HDAC5: variants seen among roughly 807,000 people sequenced by gnomAD.
HDAC5 encodes antigen NY-CO-9.
HDAC5 carries 25 observed loss-of-function variants against 133.3 expected under a neutral mutation model. The observed-to-expected ratio is 0.19, with a 90% CI of 0.14 to 0.26. The LOEUF (loss-of-function observed/expected upper bound fraction) is 0.26. HDAC5 is among the 10% of genes least tolerant of loss of function. The probability of loss-of-function intolerance (pLI) is 1.00; values close to 1 mark genes in which losing one functional copy is unlikely to be tolerated. For missense variants in HDAC5, 1,041 were observed against 1,460.5 expected, an observed-to-expected ratio of 0.71 and a Z score of 4.68; for synonymous variants, 589 against 610.8, an observed-to-expected ratio of 0.96 and a Z score of 0.53.
chr17:44,108,025 T>C (rs1244330659), intron 3 of HDAC5, among the ~76,000 whole-genome samples: 1 of 152,148 alleles, frequency 6.6e-6, no homozygotes, highest in Non-Finnish European at 1.5e-5. Flanking sequence ...GAGAATCCCA[T>C]ACTAGAGTTC....
At chr17:44,084,714 C>G (rs750749739) in intron 15 of HDAC5, 39 bp from the exon 16 acceptor site, 1 of 1,608,710 alleles carries the variant, frequency 6.2e-7, no homozygotes, top group Non-Finnish European at 8.5e-7. Context: ...CACAAAGGCA[C>G]AGCTCTCTCA....
At chr17:44,121,816 G>C (rs868688645) in intron 1 of HDAC5, among the ~76,000 whole-genome samples, 1 of 152,096 alleles carries the variant, frequency 6.6e-6, no homozygotes, top group East Asian at 1.9e-4. Context: ...GAAAAGAAGG[G>C]GAGGCTGGCA....
chr17:44,103,715 T>C (rs1318356396), intron 3 of HDAC5, among the ~76,000 whole-genome samples: 2 of 151,784 alleles, frequency 1.3e-5, no homozygotes, highest in African/African-American at 4.8e-5. Context: ...TTTTTTCTTT[T>C]TTTTTTTTTT....
At chr17:44,119,164 G>A (rs1023339014) in intron 1 of HDAC5, among the ~76,000 whole-genome samples, 6 of 152,344 alleles carry the variant, frequency 3.9e-5, no homozygotes, top group Admixed American at 2.6e-4. Flanking sequence ...GCGCAGGCAG[G>A]GCTGAGGCCA....
At chr17:44,116,793 GCCTAGAGT>G (rs1007914199) in intron 2 of HDAC5, among the ~76,000 whole-genome samples, 1 of 152,124 alleles carries the variant, frequency 6.6e-6, no homozygotes, top group African/African-American at 2.4e-5. Context: ...ACATCAAGCT[GCCTAGAGT>G]CCCCCAAATA....
intron 2 of HDAC5, among the ~76,000 whole-genome samples, chr17:44,114,377 G>A (rs1285330786): frequency 6.6e-6 from 1 of 152,216 alleles, no homozygotes; most frequent in East Asian, 1.9e-4. Context: ...AGGACACCGA[G>A]GTTCCTGGCT....
chr17:44,099,690 G>A (rs983048769), intron 3 of HDAC5, among the ~76,000 whole-genome samples: 4 of 152,108 alleles, frequency 2.6e-5, no homozygotes, highest in Non-Finnish European at 4.4e-5. Context: ...TAGCCAGGGT[G>A]GTCTCGATCT....
chr17:44,092,311 G>A (rs771058442), intron 8 of HDAC5, 27 bp from the exon 9 acceptor site: 2 of 1,613,352 alleles, frequency 1.2e-6, no homozygotes, highest in Non-Finnish European at 1.7e-6. Flanking sequence ...TGTCACCTGG[G>A]CCTGCTGTGA....
intron 2 of HDAC5, among the ~76,000 whole-genome samples, chr17:44,113,782 T>C (rs2052480410): frequency 6.6e-6 from 1 of 152,214 alleles, no homozygotes. Context: ...TTCCATTTCC[T>C]GAGCCCAAAG....
intron 3 of HDAC5, among the ~76,000 whole-genome samples, chr17:44,102,177 G>A (rs1367713652): frequency 6.6e-6 from 1 of 152,224 alleles, no homozygotes; most frequent in African/African-American, 2.4e-5. Flanking sequence ...AGTTGGGGCT[G>A]ACATCTAGCC....
chr17:44,086,538 T>C, intron 14 of HDAC5, 34 bp downstream of exon 14: 2 of 1,286,194 alleles, frequency 1.6e-6, no homozygotes, highest in African/African-American at 3.0e-5. Flanking sequence ...CTCTGGTGCC[T>C]GGCAGAAGGA....
chr17:44,088,307 G>C, intron 12 of HDAC5, 80 bp downstream of exon 12: 1 of 1,497,370 alleles, frequency 6.7e-7, no homozygotes, highest in Non-Finnish European at 8.9e-7. Context: ...GGCCTGAAAG[G>C]AGGACTTTTC....
chr17:44,089,560 C>T (rs940378073), intron 11 of HDAC5, among the ~76,000 whole-genome samples: 6 of 150,836 alleles, frequency 4.0e-5, no homozygotes, highest in African/African-American at 4.9e-5. Flanking sequence ...GCCTGGCCAA[C>T]GTGGTGAAAC....
intron 2 of HDAC5, chr17:44,111,628 C>G (rs774097960): frequency 1.9e-6 from 1 of 518,120 alleles, no homozygotes; most frequent in Non-Finnish European, 3.8e-6. Context: ...GGCTGGCACA[C>G]AGGCACCTTC....
At chr17:44,114,957 G>A (rs534729403) in intron 2 of HDAC5, among the ~76,000 whole-genome samples, 7 of 152,264 alleles carry the variant, frequency 4.6e-5, no homozygotes, top group Non-Finnish European at 1.0e-4. Context: ...TAGGCAGCCC[G>A]AGCCAGAGGG....
chr17:44,083,854 C>G lies in HDAC5; in HGVS notation c.2306G>C (p.Gly769Ala). Reference sequence around the variant, plus strand: ...AGCATACATCTTCTGGCTGATGGGGCCTGCATGGAAGAGGAATAGAGCTAC... The same window carrying G: ...AGCATACATCTTCTGGCTGATGGGGGCTGCATGGAAGAGGAATAGAGCTAC... ...RQKLDSKKLL[G>A]PISQKMYAVL... is the part of the protein sequence containing the mutation. Residue 769 changes from glycine to alanine, a missense_variant and splice_region_variant, in exon 17 of 27, where the codon GGC becomes GCC. Gly to Ala is a moderately conservative substitution (Grantham distance 60, BLOSUM62 0). This residue lies in a region of HDAC5 where 31 missense variants were observed against 27.0 expected (regional missense o/e 1.15). Coordinates refer to ENST00000682912, the MANE Select transcript of HDAC5 (RefSeq NM_005474.5). The G allele has an allele frequency of 6.2e-7, 1 of 1,611,938 alleles. No homozygotes were observed. Among genetic ancestry groups the G allele is most frequent in the Non-Finnish European group, 8.5e-7 (1 of 1,179,252 alleles).
chr17:44,093,059 C>T, intron 6 of HDAC5, 33 bp downstream of exon 6: 1 of 1,530,882 alleles, frequency 6.5e-7, no homozygotes, highest in South Asian at 1.2e-5. Flanking sequence ...AGCGGCTCAC[C>T]TATGCCCACC....
intron 1 of HDAC5, 140 bp downstream of exon 1, chr17:44,123,364 G>A: frequency 3.0e-6 from 1 of 336,728 alleles, no homozygotes; most frequent in East Asian, 4.6e-5. Flanking sequence ...CTGGCTCCCA[G>A]GGCCGGGAGG....
intron 3 of HDAC5, among the ~76,000 whole-genome samples, chr17:44,108,408 C>A (rs1243250092): frequency 6.6e-6 from 1 of 152,174 alleles, no homozygotes; most frequent in Admixed American, 6.5e-5. Flanking sequence ...ATGGCAACAA[C>A]CAAGACAGCC....
Sources: allele counts gnomAD v4.1 joint callset (sites outside exome capture counted in the v4.1 genomes callset), GRCh38; gene constraint gnomAD v4.1.1; regional missense constraint gnomAD v4.1.1; transcripts MANE v1.5; gene names NCBI Gene and HGNC (gene_info 2026-07-23, HGNC 2026-07-21).